DMD: variants seen among roughly 807,000 people sequenced by gnomAD.
DMD encodes the protein dystrophin, also known as mutant dystrophin.
DMD carries 63 observed loss-of-function variants against 330.1 expected under a neutral mutation model. The ratio of observed to expected loss-of-function variants is 0.19; its 90% CI spans 0.16 to 0.24. DMD has a LOEUF of 0.24. Ranked by LOEUF, DMD falls within the 10% of genes least tolerant of loss-of-function variation. The pLI is 1.00. For synonymous variants in DMD, 1,223 were observed against 959.8 expected (o/e 1.27, Z -5.07); for missense variants, 3,344 against 2,684.1 (o/e 1.25, Z -5.43).
At chrX:32,309,567 T>C (rs1055650651) in intron 42 of DMD, among the ~76,000 whole-genome samples, 2 of 111,503 alleles carry the variant, frequency 1.8e-5, no homozygotes, top group African/African-American at 3.2e-5. Context: ...TGGTAGCCTT[T>C]AACTGGCAGT....
At chrX:32,731,294 C>G (rs1468705350) in intron 7 of DMD, among the ~76,000 whole-genome samples, 1 of 112,281 alleles carries the variant, frequency 8.9e-6, no homozygotes, top group African/African-American at 3.2e-5. Flanking sequence ...GCTAGCACAG[C>G]AGTCTGAGAT....
chrX:32,603,024 C>T (rs980613450), intron 12 of DMD, among the ~76,000 whole-genome samples: 6 of 111,561 alleles, frequency 5.4e-5, no homozygotes, highest in African/African-American at 2.0e-4. Context: ...CCAGGCCAGA[C>T]ACTTACAGAA....
chrX:32,346,193 T>C, intron 38 of DMD, 113 bp from the exon 39 acceptor site: 1 of 810,483 alleles, frequency 1.2e-6, no homozygotes, highest in Admixed American at 2.6e-5. Context: ...AATTTAAAAC[T>C]TTCATGGAAT....
chrX:32,332,571 T>C (rs896834094), intron 41 of DMD, among the ~76,000 whole-genome samples: 3 of 109,857 alleles, frequency 2.7e-5, no homozygotes, highest in African/African-American at 3.3e-5. Flanking sequence ...TAGCACACAA[T>C]GCAATGGGTG....
chrX:32,746,580 C>T (rs1332814911), intron 7 of DMD, among the ~76,000 whole-genome samples: 1 of 111,588 alleles, frequency 9.0e-6, no homozygotes, highest in Non-Finnish European at 1.9e-5. Flanking sequence ...GTTTAATCGA[C>T]ACATAATTAT....
chrX:31,550,570 T>C (rs755124158), intron 55 of DMD, among the ~76,000 whole-genome samples: 10 of 112,413 alleles, frequency 8.9e-5, no homozygotes, highest in Non-Finnish European at 1.7e-4. Flanking sequence ...TTTTGCCCAA[T>C]TTTAGCTATT....
intron 44 of DMD, among the ~76,000 whole-genome samples, chrX:32,029,592 T>C (rs948329296): frequency 3.6e-5 from 4 of 111,648 alleles, no homozygotes; most frequent in Non-Finnish European, 7.5e-5. Flanking sequence ...GAACTTAAGG[T>C]AGCATTAACA....
At chrX:31,125,026 G>A (rs1019840126) in intron 78 of DMD, among the ~76,000 whole-genome samples, 1 of 111,335 alleles carries the variant, frequency 9.0e-6, no homozygotes, top group Non-Finnish European at 1.9e-5. Flanking sequence ...TTTGGCTTCT[G>A]GAAACTTGTC....
At chrX:31,663,620 G>A (rs1343900552) in intron 53 of DMD, among the ~76,000 whole-genome samples, 1 of 110,975 alleles carries the variant, frequency 9.0e-6, no homozygotes, top group Non-Finnish European at 1.9e-5. Flanking sequence ...AGGAAGAGGC[G>A]ACTTTTCTGC....
chrX:32,957,603 C>G (rs981248496), intron 2 of DMD, among the ~76,000 whole-genome samples: 1 of 111,276 alleles, frequency 9.0e-6, no homozygotes, highest in Non-Finnish European at 1.9e-5. Context: ...AGTCATGACT[C>G]CTTTGAGTAT....
At chrX:31,676,326 T>A (rs2082077173) in intron 53 of DMD, among the ~76,000 whole-genome samples, 1 of 112,492 alleles carries the variant, frequency 8.9e-6, no homozygotes, top group East Asian at 2.8e-4. Flanking sequence ...TGATGACACA[T>A]TCGATGTAAA....
At chrX:32,697,685 T>C (rs1381277212) in intron 9 of DMD, among the ~76,000 whole-genome samples, 185 bp downstream of exon 9, 1 of 111,912 alleles carries the variant, frequency 8.9e-6, no homozygotes, top group Non-Finnish European at 1.9e-5. Context: ...CAACGTATAG[T>C]AAACCTAGAG....
intron 29 of DMD, among the ~76,000 whole-genome samples, chrX:32,433,453 G>A (rs1287899421): frequency 7.1e-5 from 8 of 112,062 alleles, no homozygotes; most frequent in Middle Eastern, 4.6e-3. Flanking sequence ...CGAGGCGGGC[G>A]GATAACCTGA....
At chrX:32,069,413 T>C (rs1213435332) in intron 44 of DMD, among the ~76,000 whole-genome samples, 3 of 111,915 alleles carry the variant, frequency 2.7e-5, no homozygotes, top group Non-Finnish European at 5.6e-5. Flanking sequence ...CTCATATACA[T>C]AATTATGGTA....
At chrX:33,278,095 C>A (rs769394493) in intron 1 of DMD, among the ~76,000 whole-genome samples, 3 of 111,435 alleles carry the variant, frequency 2.7e-5, no homozygotes, top group Non-Finnish European at 1.9e-5. Context: ...AGAGTGAGAA[C>A]CTGTCTCAAA....
intron 62 of DMD, among the ~76,000 whole-genome samples, chrX:31,299,408 G>A (rs897564797): frequency 1.8e-5 from 2 of 111,879 alleles, no homozygotes; most frequent in Non-Finnish European, 3.8e-5. Flanking sequence ...ACTGCAAAGA[G>A]CAAAACAAAA....
intron 59 of DMD, among the ~76,000 whole-genome samples, chrX:31,460,581 C>T (rs1309759497): frequency 9.0e-6 from 1 of 111,434 alleles, no homozygotes; most frequent in Admixed American, 9.6e-5. Flanking sequence ...AGTTATGTGA[C>T]TAAATATATA....
chrX:32,671,513 A>G (rs1057148831), intron 9 of DMD, among the ~76,000 whole-genome samples: 1 of 111,900 alleles, frequency 8.9e-6, no homozygotes, highest in Non-Finnish European at 1.9e-5. Context: ...CTATTTCTGC[A>G]TATATTTTAC....
chrX:31,288,523 G>A (rs1356537450), intron 62 of DMD, among the ~76,000 whole-genome samples: 1 of 111,845 alleles, frequency 8.9e-6, no homozygotes, highest in African/African-American at 3.3e-5. Context: ...AGCAATGTGG[G>A]TATGTTCCCG....
Sources: gnomAD v4.1 joint callset for allele counts (sites outside exome capture counted in the v4.1 genomes callset) on GRCh38, gnomAD v4.1.1 for gene constraint, MANE v1.5 for transcripts, NCBI Gene and HGNC (gene_info 2026-07-23, HGNC 2026-07-21) for gene names.